The following PCDHA5 variants were observed in gnomAD, a reference collection of about 807,000 sequenced individuals.
PCDHA5 encodes protocadherin alpha-5.
Under a neutral mutation model 61.6 loss-of-function variants are expected in PCDHA5, and 43 were observed. The ratio of observed to expected loss-of-function variants is 0.70; its 90% CI spans 0.55 to 0.90. The LOEUF is 0.90. PCDHA5 is among the 40% of genes least tolerant of loss of function. PCDHA5 has a pLI of 0.00. For missense variants in PCDHA5, 1,298 were observed against 1,222.7 expected (o/e 1.06, Z -0.92); for synonymous variants, 627 against 543.9 (o/e 1.15, Z -2.13).
intron 1 of PCDHA5, among the ~76,000 whole-genome samples, chr5:140,939,081 G>A (rs547616686): frequency 1.3e-5 from 2 of 152,222 alleles, no homozygotes; most frequent in African/African-American, 2.4e-5. Context: ...GCATAAACTG[G>A]GTGGCTTAAA....
chr5:140,927,587 T>C (rs1411741184), intron 1 of PCDHA5: 1 of 1,614,044 alleles, frequency 6.2e-7, no homozygotes, highest in African/African-American at 1.3e-5. Flanking sequence ...AACGCGCCTG[T>C]ATTTGAGCGC....
intron 1 of PCDHA5, chr5:140,843,324 C>T: frequency 6.3e-7 from 1 of 1,596,010 alleles, no homozygotes; most frequent in Non-Finnish European, 8.6e-7. Flanking sequence ...GTTCTGGTGT[C>T]GCTGGTGGAG....
At chr5:140,885,798 T>C (rs1269362409) in intron 1 of PCDHA5, among the ~76,000 whole-genome samples, 1 of 152,186 alleles carries the variant, frequency 6.6e-6, no homozygotes, top group East Asian at 1.9e-4. Context: ...TTGTCATATG[T>C]ATTTTGTTGA....
intron 1 of PCDHA5, among the ~76,000 whole-genome samples, chr5:140,957,899 A>G (rs551066654): frequency 3.0e-4 from 46 of 152,226 alleles, no homozygotes; most frequent in African/African-American, 1.1e-3. Flanking sequence ...GCATCAACCA[A>G]GGCATATTGT....
chr5:140,836,439 A>G, intron 1 of PCDHA5: 1 of 1,613,820 alleles, frequency 6.2e-7, no homozygotes, highest in Non-Finnish European at 8.5e-7. Context: ...ATCGTTGGGC[A>G]TTGCAGGCCC....
intron 1 of PCDHA5, chr5:140,968,562 C>G: frequency 6.2e-7 from 1 of 1,614,208 alleles, no homozygotes; most frequent in South Asian, 1.1e-5. Flanking sequence ...CGAACTGCCC[C>G]TGCTGGCTAC....
At chr5:141,001,726 T>G (rs2098034769) in intron 3 of PCDHA5, among the ~76,000 whole-genome samples, 1 of 152,116 alleles carries the variant, frequency 6.6e-6, no homozygotes, top group Admixed American at 6.6e-5. Flanking sequence ...GCTTGAGATA[T>G]TTTACAACCT....
At chr5:140,862,660 G>C (rs569424242) in intron 1 of PCDHA5, 56 of 546,542 alleles carry the variant, frequency 1.0e-4, no homozygotes, top group African/African-American at 8.2e-4. Flanking sequence ...GCGGGACCGG[G>C]ACGCGCAGGA....
intron 1 of PCDHA5, chr5:140,870,462 G>C: frequency 1.2e-6 from 2 of 1,614,196 alleles, no homozygotes; most frequent in Non-Finnish European, 1.7e-6. Flanking sequence ...ATGCGCCTGC[G>C]TTCGCACAGC....
intron 1 of PCDHA5, chr5:140,843,225 G>C: frequency 1.3e-6 from 2 of 1,596,120 alleles, no homozygotes; most frequent in Non-Finnish European, 1.7e-6. Context: ...AGCACCACTC[G>C]TGTCCTGGAC....
intron 1 of PCDHA5, among the ~76,000 whole-genome samples, chr5:140,837,714 C>G (rs1488550571): frequency 1.3e-5 from 2 of 151,510 alleles, no homozygotes; most frequent in African/African-American, 2.4e-5. Flanking sequence ...CACTCCATCA[C>G]CCAGGCTGCT....
chr5:140,976,781 T>C (rs1238344428), intron 1 of PCDHA5, among the ~76,000 whole-genome samples: 26 of 152,206 alleles, frequency 1.7e-4, no homozygotes, highest in Admixed American at 1.6e-3. Flanking sequence ...TCTGACTATA[T>C]AGCTACGCTT....
At chr5:140,838,077 AGTG>A (rs1434205895) in intron 1 of PCDHA5, among the ~76,000 whole-genome samples, 27 of 80,700 alleles carry the variant, frequency 3.3e-4, no homozygotes, top group Middle Eastern at 7.4e-3. Flanking sequence ...ATATATATAT[AGTG>A]TGTGTGTGTG....
At chr5:140,921,385 A>C (rs571029849) in intron 1 of PCDHA5, among the ~76,000 whole-genome samples, 1 of 152,294 alleles carries the variant, frequency 6.6e-6, no homozygotes, top group East Asian at 1.9e-4. Flanking sequence ...CATATTTGAT[A>C]AACATTCACA....
chr5:140,854,848 A>C (rs1384152430), intron 1 of PCDHA5, among the ~76,000 whole-genome samples: 2 of 149,876 alleles, frequency 1.3e-5, no homozygotes, highest in African/African-American at 4.9e-5. Flanking sequence ...ACATTGATAA[A>C]ATTACTAGAT....
chr5:140,856,041 A>T lies in PCDHA5; in HGVS notation c.2352+31914A>T, dbSNP rs797043647. Reference sequence around the variant, plus strand: ...ATTCGTCGATTTGTAAAACAAGAGAAGGATAAGATGGTTTCCAGATGTAGC... The same window carrying T: ...ATTCGTCGATTTGTAAAACAAGAGATGGATAAGATGGTTTCCAGATGTAGC... On this transcript the variant is annotated intron_variant, in intron 1 of 3. Coordinates refer to ENST00000529859, the MANE Select transcript of PCDHA5 (RefSeq NM_018908.3). 1.9e-6 allele frequency: 3 copies of T among 1,569,530 alleles called. No individual in the cohort carries two copies. The African/African-American group carries it at 4.1e-5, about 21-fold the overall frequency.
At chr5:140,836,159 GA>G in intron 1 of PCDHA5, 1 of 1,613,838 alleles carries the variant, frequency 6.2e-7, no homozygotes, top group Non-Finnish European at 8.5e-7. Context: ...ATGTGGTGGC[GA>G]AGGTACGTGC....
Position 140,981,745 on chromosome 5 carries a change from T to C in PCDHA5, c.2412-730T>C, listed in dbSNP as rs145941614. On this transcript the variant is annotated intron_variant, in intron 2 of 3. Coordinates refer to ENST00000529859, the MANE Select transcript of PCDHA5 (RefSeq NM_018908.3). ...CAAATATTTGAGAGATTAATATGAG[T>C]TAGTATTAGACATACATAAATGAAT... Among the ~76,000 whole-genome samples the C allele has an allele frequency of 1.1e-3, 160 of 152,294 alleles. 1 individual carries two copies. The East Asian group carries it at 0.027, about 25-fold the overall frequency.
rs1262850471 is a variant in PCDHA5, at chr5:140,821,940, G to A, written c.165G>A (p.Leu55=). 6.2e-7 allele frequency: 1 copy of A among 1,614,066 alleles called. No homozygotes were observed. Among genetic ancestry groups the A allele is most frequent in the African/African-American group, 1.3e-5 (1 of 74,952 alleles). Residue 55 remains leucine, a synonymous_variant, in exon 1 of 4, where the codon CTG becomes CTA. Coordinates refer to ENST00000529859, the MANE Select transcript of PCDHA5 (RefSeq NM_018908.3). The stretch of plus-strand genomic sequence containing the variant: ...TCGCGCAGGACCTAGGGCTGGAGCT[G>A]GCGGAGCTGGTGCCGCGCCTGTTCC... ...GRIAQDLGLE[L]AELVPRLFRV... is the part of the protein sequence containing the mutation.
Sources: gnomAD v4.1 joint callset for allele counts (sites outside exome capture counted in the v4.1 genomes callset) on GRCh38, gnomAD v4.1.1 for gene constraint, MANE v1.5 for transcripts, NCBI Gene and HGNC (gene_info 2026-07-23, HGNC 2026-07-21) for gene names.